Variants in VPS13B observed in about 807,000 individuals in gnomAD.
VPS13B encodes the protein vacuolar protein sorting 13 homolog B.
In VPS13B, 285 loss-of-function variants were observed where a neutral mutation model predicts 426.4. That is an observed-to-expected ratio of 0.67 (90% CI 0.61 to 0.74). The LOEUF is 0.74. Among genes scored for constraint, VPS13B ranks in the 30% least tolerant of loss-of-function variants. The pLI, the probability that VPS13B is intolerant of heterozygous loss-of-function variation, is 0.00. For synonymous variants in VPS13B, 1,676 were observed against 1,676.4 expected (o/e 1.00, Z 0.01); for missense variants, 4,537 against 4,782.6 (o/e 0.95, Z 1.51).
Position 99,641,746 on chromosome 8 carries a change from A to G in VPS13B, c.5221-65A>G, listed in dbSNP as rs1829374095. ...TTTCTCTTTGACAACATGTTTATAT[A>G]ACATTGTTTATATGACACTTGGCAT... On this transcript the variant is annotated intron_variant, in intron 33 of 61. Coordinates refer to ENST00000357162, the MANE Select transcript of VPS13B (RefSeq NM_152564.5). The G allele has an allele frequency of 3.4e-6, 5 of 1,458,570 alleles. No homozygotes were observed. In the South Asian group the frequency reaches 6.5e-5, roughly 19 times the overall value. The allele number at this position is 1,458,570 out of a possible 1,614,324, so 90.4% of individuals were successfully genotyped here.
chr8:99,619,746 C>T (rs1425872056), intron 33 of VPS13B, among the ~76,000 whole-genome samples: 2 of 151,904 alleles, frequency 1.3e-5, no homozygotes, highest in Non-Finnish European at 2.9e-5. Flanking sequence ...TGGTGGATGC[C>T]TATAGTCTTA....
chr8:99,087,440 G>C (rs1017794376), intron 3 of VPS13B, among the ~76,000 whole-genome samples: 1 of 151,990 alleles, frequency 6.6e-6, no homozygotes, highest in South Asian at 2.1e-4. Context: ...TTCGGCCCAC[G>C]CTTGGTACGC....
At chr8:99,568,299 AT>A (rs1290790891) in intron 31 of VPS13B, among the ~76,000 whole-genome samples, 1 of 141,016 alleles carries the variant, frequency 7.1e-6, no homozygotes, top group African/African-American at 2.7e-5. Flanking sequence ...TATTATTATT[AT>A]TTTTTTTTGA....
intron 19 of VPS13B, among the ~76,000 whole-genome samples, chr8:99,343,917 T>C (rs572877578): frequency 6.6e-6 from 1 of 152,330 alleles, no homozygotes; most frequent in African/African-American, 2.4e-5. Context: ...TACAGATTAG[T>C]GCAATCCCTA....
At chr8:99,280,568 G>A (rs761676556) in intron 19 of VPS13B, among the ~76,000 whole-genome samples, 53 of 152,124 alleles carry the variant, frequency 3.5e-4, no homozygotes, top group Non-Finnish European at 6.5e-4. Context: ...ATGTTCAAGG[G>A]TATAAATTTG....
intron 58 of VPS13B, among the ~76,000 whole-genome samples, chr8:99,865,549 A>G (rs1817056593): frequency 1.3e-5 from 2 of 152,236 alleles, no homozygotes; most frequent in Non-Finnish European, 1.5e-5. Flanking sequence ...GCACATCCCA[A>G]GAGACAGCCC....
intron 36 of VPS13B, among the ~76,000 whole-genome samples, chr8:99,714,095 T>C (rs563638877): frequency 2.1e-5 from 3 of 142,408 alleles, no homozygotes; most frequent in Non-Finnish European, 3.0e-5. Flanking sequence ...GCCGAGATCA[T>C]GCCACTGCAC....
intron 3 of VPS13B, among the ~76,000 whole-genome samples, chr8:99,090,740 T>C (rs1042077919): frequency 1.3e-5 from 2 of 152,196 alleles, no homozygotes; most frequent in African/African-American, 4.8e-5. Flanking sequence ...AGGGAAGTTA[T>C]ATACAAGAAA....
intron 35 of VPS13B, among the ~76,000 whole-genome samples, chr8:99,668,180 A>G (rs996834434): frequency 1.3e-5 from 2 of 152,024 alleles, no homozygotes; most frequent in Non-Finnish European, 1.5e-5. Flanking sequence ...TGAAGGGTAT[A>G]GTAACAATGA....
At chr8:99,195,391 T>C (rs1813858203) in intron 17 of VPS13B, among the ~76,000 whole-genome samples, 1 of 152,208 alleles carries the variant, frequency 6.6e-6, no homozygotes, top group Non-Finnish European at 1.5e-5. Context: ...TTTTGAGAAA[T>C]GTCTGTTCAG....
At chr8:99,680,862 T>C (rs1180716188) in intron 35 of VPS13B, among the ~76,000 whole-genome samples, 1 of 152,196 alleles carries the variant, frequency 6.6e-6, no homozygotes, top group Non-Finnish European at 1.5e-5. Context: ...TAGCTCCCCC[T>C]GTGTCTCTGT....
intron 19 of VPS13B, among the ~76,000 whole-genome samples, chr8:99,375,596 T>A (rs1186425577): frequency 6.6e-6 from 1 of 152,228 alleles, no homozygotes; most frequent in Non-Finnish European, 1.5e-5. Flanking sequence ...TCATCACTGC[T>A]CTTGCATTTC....
At chr8:99,135,306 G>T (rs1445917493) in intron 10 of VPS13B, among the ~76,000 whole-genome samples, 169 bp downstream of exon 10, 1 of 152,034 alleles carries the variant, frequency 6.6e-6, no homozygotes, top group Non-Finnish European at 1.5e-5. Flanking sequence ...AGATCTCAGG[G>T]AAGTTTAGAA....
At chr8:99,401,310 G>T (rs1394341100) in intron 21 of VPS13B, among the ~76,000 whole-genome samples, 2 of 152,060 alleles carry the variant, frequency 1.3e-5, no homozygotes, top group East Asian at 3.9e-4. Flanking sequence ...TTTTGAGTGT[G>T]TTTTACAGGA....
intron 54 of VPS13B, among the ~76,000 whole-genome samples, chr8:99,846,253 C>T (rs1161241228): frequency 5.9e-5 from 9 of 152,174 alleles, no homozygotes; most frequent in Admixed American, 1.3e-4. Flanking sequence ...GAGAGGGAGA[C>T]GCATTTTATA....
At chr8:99,591,969 G>A (rs919434681) in intron 33 of VPS13B, among the ~76,000 whole-genome samples, 9 of 151,936 alleles carry the variant, frequency 5.9e-5, no homozygotes, top group African/African-American at 1.5e-4. Flanking sequence ...TTCCATTCTC[G>A]TCATTTTCAG....
chr8:99,855,211 T>G (rs373291722), intron 56 of VPS13B, among the ~76,000 whole-genome samples: 3 of 152,090 alleles, frequency 2.0e-5, no homozygotes, highest in African/African-American at 7.2e-5. Context: ...CTTGTCTCTA[T>G]AAAAAATTAA....
intron 21 of VPS13B, among the ~76,000 whole-genome samples, chr8:99,416,104 A>G (rs974268297): frequency 3.9e-5 from 6 of 152,150 alleles, no homozygotes; most frequent in Non-Finnish European, 8.8e-5. Context: ...TCTTTCAGAG[A>G]TGCTCTGCAC....
intron 33 of VPS13B, among the ~76,000 whole-genome samples, chr8:99,588,567 C>T (rs1280102087): frequency 6.6e-6 from 1 of 151,510 alleles, no homozygotes; most frequent in Non-Finnish European, 1.5e-5. Context: ...GTATTTTATT[C>T]TCTTTGTAGC....
Sources: gnomAD v4.1 joint callset for allele counts (sites outside exome capture counted in the v4.1 genomes callset) on GRCh38, gnomAD v4.1.1 for gene constraint, MANE v1.5 for transcripts, NCBI Gene and HGNC (gene_info 2026-07-23, HGNC 2026-07-21) for gene names.